GLIS3: variants seen among roughly 807,000 people sequenced by gnomAD.
GLIS3 encodes the protein GLIS family zinc finger 3, also known as zinc finger protein GLIS3.
Under a neutral mutation model 78.6 loss-of-function variants are expected in GLIS3, and 53 were observed. The ratio of observed to expected loss-of-function variants is 0.67; its 90% CI spans 0.54 to 0.85. The LOEUF (loss-of-function observed/expected upper bound fraction) is 0.85. GLIS3 is among the 40% of genes least tolerant of loss of function. The pLI is 0.00. For missense variants in GLIS3, 1,703 were observed against 1,231.1 expected (o/e 1.38, Z -5.74); for synonymous variants, 684 against 509.9 (o/e 1.34, Z -4.60).
chr9:4,273,643 T>C (rs1363839140), intron 2 of GLIS3, among the ~76,000 whole-genome samples: 2 of 140,704 alleles, frequency 1.4e-5, no homozygotes. Context: ...AAATGTATTT[T>C]CACATTTATC....
the GLIS3 span, among the ~76,000 whole-genome samples, chr9:4,376,622 C>A: frequency 7.4e-6 from 1 of 134,852 alleles, no homozygotes; most frequent in Non-Finnish European, 1.7e-5. Context: ...CCAGTGGGTA[C>A]TAATGTAAAT....
At chr9:4,132,571 C>G (rs1431594461) in intron 2 of GLIS3, among the ~76,000 whole-genome samples, 2 of 152,064 alleles carry the variant, frequency 1.3e-5, no homozygotes, top group Admixed American at 6.6e-5. Context: ...TGTTCGTTAT[C>G]TGACACTTAT....
intron 2 of GLIS3, among the ~76,000 whole-genome samples, chr9:4,257,022 T>G (rs868637112): frequency 1.3e-5 from 2 of 152,144 alleles, no homozygotes; most frequent in African/African-American, 2.4e-5. Flanking sequence ...TACATATATG[T>G]GTTAATATTA....
chr9:4,143,221 G>C (rs1477750754), intron 2 of GLIS3, among the ~76,000 whole-genome samples: 1 of 151,892 alleles, frequency 6.6e-6, no homozygotes, highest in African/African-American at 2.4e-5. Context: ...GGTTACCTTT[G>C]CATGTGCGCA....
intron 4 of GLIS3, among the ~76,000 whole-genome samples, chr9:4,033,465 T>TA (rs1162035146): frequency 1.3e-5 from 2 of 152,258 alleles, no homozygotes; most frequent in Non-Finnish European, 2.9e-5. Context: ...GCACAGGCTT[T>TA]AAGTAGGTAC....
At chr9:4,384,197 T>C in the GLIS3 span, among the ~76,000 whole-genome samples, 1 of 152,230 alleles carries the variant, frequency 6.6e-6, no homozygotes, top group Non-Finnish European at 1.5e-5. Flanking sequence ...TGGAGCACAC[T>C]GGTGGTGAAC....
At chr9:3,907,004 C>G (rs949608181) in intron 6 of GLIS3, among the ~76,000 whole-genome samples, 1 of 152,182 alleles carries the variant, frequency 6.6e-6, no homozygotes, top group East Asian at 1.9e-4. Context: ...GAAACCTCCC[C>G]TGACCAGACC....
intron 2 of GLIS3, among the ~76,000 whole-genome samples, chr9:4,188,356 A>G (rs1022143309): frequency 8.1e-5 from 12 of 148,882 alleles, no homozygotes; most frequent in African/African-American, 2.7e-4. Context: ...CCACTTGATC[A>G]TGGTGGATAA....
chr9:4,397,083 T>G, the GLIS3 span, among the ~76,000 whole-genome samples: 3 of 142,590 alleles, frequency 2.1e-5, no homozygotes, highest in South Asian at 7.0e-4. Context: ...TGGAGTGCAG[T>G]GGCGCGATCT....
At chr9:4,400,778 C>G in the GLIS3 span, among the ~76,000 whole-genome samples, 1 of 152,090 alleles carries the variant, frequency 6.6e-6, no homozygotes, top group Non-Finnish European at 1.5e-5. Context: ...TGCTCCAGGC[C>G]CTAGCTCCTG....
intron 4 of GLIS3, among the ~76,000 whole-genome samples, chr9:4,078,095 G>GAGCT (rs1203210908): frequency 6.6e-6 from 1 of 152,004 alleles, no homozygotes; most frequent in Non-Finnish European, 1.5e-5. Context: ...CCCATTGCTG[G>GAGCT]AGCTAAGTAA....
At chr9:3,859,353 ACAC>A (rs1211430072) in intron 8 of GLIS3, among the ~76,000 whole-genome samples, 1 of 1,184 alleles carries the variant, frequency 8.4e-4, no homozygotes, top group African/African-American at 1.3e-3. Flanking sequence ...TCTTCGAAAC[ACAC>A]ACACACACAC....
intron 4 of GLIS3, among the ~76,000 whole-genome samples, chr9:4,029,489 A>T (rs1823632282): frequency 1.3e-5 from 2 of 152,168 alleles, no homozygotes; most frequent in South Asian, 4.1e-4. Context: ...AAAAATGTAC[A>T]ATTAAATTAT....
At chr9:4,125,593 A>AC (rs1419210490) in intron 3 of GLIS3, 141 bp downstream of exon 3, 15 of 735,078 alleles carry the variant, frequency 2.0e-5, no homozygotes, top group South Asian at 1.2e-4. Flanking sequence ...TCCCCTACAA[A>AC]CCTCAAATTG....
intron 4 of GLIS3, among the ~76,000 whole-genome samples, chr9:3,961,576 T>C (rs1294118889): frequency 6.6e-6 from 1 of 152,212 alleles, no homozygotes; most frequent in African/African-American, 2.4e-5. Context: ...CAACATTCAA[T>C]AGGAAGAAGG....
intron 2 of GLIS3, among the ~76,000 whole-genome samples, chr9:4,277,903 C>T (rs1827174941): frequency 6.6e-6 from 1 of 152,172 alleles, no homozygotes; most frequent in African/African-American, 2.4e-5. Context: ...AACCGGGATC[C>T]TTCAAACACA....
At chr9:3,917,632 A>C (rs1477384075) in intron 6 of GLIS3, among the ~76,000 whole-genome samples, 1 of 151,782 alleles carries the variant, frequency 6.6e-6, no homozygotes, top group Non-Finnish European at 1.5e-5. Flanking sequence ...TCTACTTCCA[A>C]GTTTTTCTCT....
At chr9:4,094,286 T>G (rs1782136823) in intron 4 of GLIS3, among the ~76,000 whole-genome samples, 1 of 152,248 alleles carries the variant, frequency 6.6e-6, no homozygotes, top group Non-Finnish European at 1.5e-5. Flanking sequence ...ATATACTGTG[T>G]TGGTGAGATG....
At chr9:4,076,766 A>T (rs144701819) in intron 4 of GLIS3, among the ~76,000 whole-genome samples, 6,346 of 152,246 alleles carry the variant, frequency 0.042, 221 homozygotes, top group Admixed American at 0.087. Context: ...TCATAATGTT[A>T]AATTTTTTGG....
Sources: allele counts gnomAD v4.1 joint callset (sites outside exome capture counted in the v4.1 genomes callset), GRCh38; gene constraint gnomAD v4.1.1; transcripts MANE v1.5; gene names NCBI Gene and HGNC (gene_info 2026-07-23, HGNC 2026-07-21).